KCNH7: variants seen among roughly 807,000 people sequenced by gnomAD.
KCNH7 encodes the protein potassium voltage-gated channel subfamily H member 7.
Under a neutral mutation model 120.8 loss-of-function variants are expected in KCNH7, and 49 were observed. That is an observed-to-expected ratio of 0.41 (90% CI 0.32 to 0.51). The LOEUF (loss-of-function observed/expected upper bound fraction) is 0.51, where lower values mean the gene tolerates loss of function less well. Ranked by LOEUF, KCNH7 falls within the 20% of genes least tolerant of loss-of-function variation. KCNH7 has a pLI of 0.38. For synonymous variants in KCNH7, 547 were observed against 516.1 expected (o/e 1.06, Z -0.81); for missense variants, 1,097 against 1,446.6 (o/e 0.76, Z 3.92).
At chr2:162,743,202 G>A (rs938094519) in intron 2 of KCNH7, among the ~76,000 whole-genome samples, 3 of 152,176 alleles carry the variant, frequency 2.0e-5, no homozygotes, top group Non-Finnish European at 4.4e-5. Flanking sequence ...CTTCTGGCAA[G>A]TGGAACTGAA....
chr2:162,760,872 T>A (rs1688944210), intron 2 of KCNH7, among the ~76,000 whole-genome samples: 1 of 152,120 alleles, frequency 6.6e-6, no homozygotes, highest in South Asian at 2.1e-4. Flanking sequence ...CTAACAAAAC[T>A]TCCTTAGAAA....
At chr2:162,442,372 T>C (rs1466219906) in intron 7 of KCNH7, among the ~76,000 whole-genome samples, 4 of 151,982 alleles carry the variant, frequency 2.6e-5, no homozygotes, top group African/African-American at 9.7e-5. Context: ...TATATCCTCT[T>C]AGCATTTATT....
At chr2:162,634,872 C>A (rs4378821) in intron 2 of KCNH7, among the ~76,000 whole-genome samples, 2 of 152,002 alleles carry the variant, frequency 1.3e-5, no homozygotes, top group Admixed American at 1.3e-4. Flanking sequence ...GGTAGCTAGA[C>A]AATAGTCAAA....
At chr2:162,522,912 A>T (rs574648656) in intron 3 of KCNH7, among the ~76,000 whole-genome samples, 1 of 151,940 alleles carries the variant, frequency 6.6e-6, no homozygotes, top group East Asian at 2.0e-4. Flanking sequence ...TTTTGTGAAG[A>T]TGCTGAATAT....
At chr2:162,795,093 T>A (rs1204301760) in intron 2 of KCNH7, among the ~76,000 whole-genome samples, 1 of 152,098 alleles carries the variant, frequency 6.6e-6, no homozygotes, top group Non-Finnish European at 1.5e-5. Context: ...AAAATCTATA[T>A]TTTTAGGTAT....
chr2:162,624,889 G>GTTT lies in KCNH7; in HGVS notation c.308-87812_308-87810dup, dbSNP rs66562676. Among the ~76,000 whole-genome samples, 265 of 69,746 alleles carry GTTT rather than the reference G, an allele frequency of 3.8e-3. 4 individuals carry two copies. The highest frequency in any genetic ancestry group is 7.7e-3 in the African/African-American group (119 of 15,548). 45.8% of individuals were successfully genotyped at this position (69,746 alleles called of 152,430 possible). ...CATGGTGGTTAAACGTGCACTCTTG[G>GTTT]TTTTTTTTTTTTTTTTTTTTTTTTT... On this transcript the variant is annotated intron_variant, in intron 2 of 15. Transcript: ENST00000332142.
At chr2:162,701,242 T>C (rs1172977705) in intron 2 of KCNH7, among the ~76,000 whole-genome samples, 1 of 152,288 alleles carries the variant, frequency 6.6e-6, no homozygotes, top group East Asian at 1.9e-4. Context: ...TCATTTATAG[T>C]TTATCCAGTG....
chr2:162,627,238 A>T (rs765213804), intron 2 of KCNH7, among the ~76,000 whole-genome samples: 2 of 152,176 alleles, frequency 1.3e-5, no homozygotes, highest in Non-Finnish European at 2.9e-5. Context: ...AGCAGCAGCT[A>T]TTGGAGAAGT....
intron 2 of KCNH7, among the ~76,000 whole-genome samples, chr2:162,696,249 T>C (rs766482175): frequency 1.3e-5 from 2 of 152,166 alleles, no homozygotes; most frequent in South Asian, 4.1e-4. Flanking sequence ...AAAATGTAAA[T>C]GGCGGATAGA....
intron 6 of KCNH7, chr2:162,502,118 T>A (rs1025445998): frequency 6.6e-6 from 1 of 152,086 alleles, no homozygotes; most frequent in African/African-American, 2.4e-5. Context: ...AAAAGTCATA[T>A]GGACTTTACT....
intron 9 of KCNH7, among the ~76,000 whole-genome samples, chr2:162,401,356 T>C (rs1405306853): frequency 6.6e-6 from 1 of 151,904 alleles, no homozygotes; most frequent in Non-Finnish European, 1.5e-5. Context: ...GACATTCTCC[T>C]ACCAGTACAA....
At chr2:162,584,918 T>C (rs1693980546) in intron 2 of KCNH7, among the ~76,000 whole-genome samples, 1 of 147,822 alleles carries the variant, frequency 6.8e-6, no homozygotes, top group South Asian at 2.1e-4. Flanking sequence ...TTTTTTTTTT[T>C]AGTCTGTAAA....
At chr2:162,719,733 A>G (rs1386809303) in intron 2 of KCNH7, among the ~76,000 whole-genome samples, 4 of 152,084 alleles carry the variant, frequency 2.6e-5, no homozygotes, top group African/African-American at 9.7e-5. Flanking sequence ...TCAAATTGTT[A>G]GCAATTTTCA....
intron 9 of KCNH7, among the ~76,000 whole-genome samples, chr2:162,414,558 A>G (rs1687484875): frequency 6.6e-6 from 1 of 151,882 alleles, no homozygotes; most frequent in Non-Finnish European, 1.5e-5. Context: ...TTAAGGGAGA[A>G]ACATGGACTG....
At chr2:162,404,792 A>G (rs1436792218) in intron 9 of KCNH7, among the ~76,000 whole-genome samples, 1 of 152,014 alleles carries the variant, frequency 6.6e-6, no homozygotes, top group African/African-American at 2.4e-5. Flanking sequence ...ATGCAAGAAC[A>G]GCTGAATACA....
rs1472973394 is a variant in KCNH7, at chr2:162,771,570, T to G, written c.307+64967A>C. ...ATTGCCTCTACTAGATTTTTTGGTA[T>G]GTTATTTATTTAATTTAGAATTACT... On this transcript the variant is annotated intron_variant, in intron 2 of 15. Coordinates refer to ENST00000332142, the MANE Select transcript of KCNH7 (RefSeq NM_033272.4). Among the ~76,000 whole-genome samples, 3 of 152,168 alleles carry G rather than the reference T, an allele frequency of 2.0e-5. No individual in the cohort carries two copies. In the East Asian group the frequency reaches 5.8e-4, roughly 29 times the overall value.
chr2:162,571,167 C>G (rs1693459616), intron 2 of KCNH7, among the ~76,000 whole-genome samples: 1 of 151,962 alleles, frequency 6.6e-6, no homozygotes, highest in Non-Finnish European at 1.5e-5. Flanking sequence ...AGCCCAAAAT[C>G]TCCTAAAGCT....
At chr2:162,609,188 C>G (rs12692651) in intron 2 of KCNH7, among the ~76,000 whole-genome samples, 1 of 151,922 alleles carries the variant, frequency 6.6e-6, no homozygotes, top group African/African-American at 2.4e-5. Flanking sequence ...GTATCCTCTA[C>G]GTTCCCCATG....
At chr2:162,479,788 G>A (rs1689867994) in intron 6 of KCNH7, among the ~76,000 whole-genome samples, 1 of 151,992 alleles carries the variant, frequency 6.6e-6, no homozygotes, top group Admixed American at 6.6e-5. Flanking sequence ...ACCCGAGGAT[G>A]CCTTTGGAGA....
Sources: allele counts gnomAD v4.1 joint callset (sites outside exome capture counted in the v4.1 genomes callset), GRCh38; gene constraint gnomAD v4.1.1; transcripts MANE v1.5; gene names NCBI Gene and HGNC (gene_info 2026-07-23, HGNC 2026-07-21).